The following NXPH1 variants were observed in gnomAD, a reference collection of about 807,000 sequenced individuals.
NXPH1 encodes the protein neurexophilin 1, also known as neurexophilin-1.
A neutral mutation model predicts 23.7 loss-of-function variants in NXPH1; 5 were observed. The ratio of observed to expected loss-of-function variants is 0.21; its 90% CI spans 0.11 to 0.44. NXPH1 has a LOEUF of 0.44. Ranked by LOEUF, NXPH1 falls within the 20% of genes least tolerant of loss-of-function variation. The pLI is 0.99. For missense variants in NXPH1, 324 were observed against 321.6 expected (o/e 1.01, Z -0.06); for synonymous variants, 144 against 122.2 (o/e 1.18, Z -1.18).
intron 2 of NXPH1, among the ~76,000 whole-genome samples, chr7:8,583,572 AG>A (rs1255576555): frequency 6.6e-6 from 1 of 152,164 alleles, no homozygotes; most frequent in Non-Finnish European, 1.5e-5. Flanking sequence ...ACTGAGTTGC[AG>A]GGGGTTTAAG....
chr7:8,434,402 G>A lies in NXPH1; in HGVS notation c.-464G>A. The A allele has an allele frequency of 6.5e-6, 1 of 153,750 alleles. No homozygotes were observed. Among genetic ancestry groups the A allele is most frequent in the Non-Finnish European group, 1.5e-5 (1 of 68,858 alleles). 9.5% of individuals were successfully genotyped at this position (153,750 alleles called of 1,614,324 possible). A position where few individuals can be genotyped will look rare whatever the true frequency, so the allele number is the denominator to read the frequency against. ...TGGCAGTCCCAGTCCGTCCGGTGCA[G>A]CAGCCCGGCGCATTCCCCTCTCTCC... On this transcript the variant is annotated 5_prime_UTR_variant, in exon 1 of 3. Coordinates refer to ENST00000405863, the MANE Select transcript of NXPH1 (RefSeq NM_152745.3). This position sits in a 1 kb window ranked among gnomAD's most constrained non-coding sequence, Gnocchi z 7.6.
intron 2 of NXPH1, among the ~76,000 whole-genome samples, chr7:8,523,756 C>G (rs1817814838): frequency 6.6e-6 from 1 of 152,182 alleles, no homozygotes. Context: ...ACCTAAATTT[C>G]TCTTTCTGGA....
At chr7:8,676,166 C>G in intron 2 of NXPH1, among the ~76,000 whole-genome samples, 1 of 152,162 alleles carries the variant, frequency 6.6e-6, no homozygotes, top group East Asian at 1.9e-4. Context: ...GCCTTGAAAA[C>G]AAGTATTATA....
chr7:8,555,240 C>T (rs1022183110), intron 2 of NXPH1, among the ~76,000 whole-genome samples: 1 of 151,688 alleles, frequency 6.6e-6, no homozygotes, highest in Non-Finnish European at 1.5e-5. Context: ...TTCTGCTCAG[C>T]ACTCCATTGG....
intron 2 of NXPH1, among the ~76,000 whole-genome samples, chr7:8,464,992 G>A (rs578066759): frequency 6.6e-6 from 1 of 152,060 alleles, no homozygotes; most frequent in Non-Finnish European, 1.5e-5. Flanking sequence ...AACAAATCTG[G>A]CAGCCTAAAA....
intron 2 of NXPH1, among the ~76,000 whole-genome samples, chr7:8,685,432 G>T (rs192182542): frequency 1.5e-5 from 2 of 135,848 alleles, no homozygotes; most frequent in Non-Finnish European, 3.2e-5. Flanking sequence ...CAAATAACTG[G>T]ATCTCATTTT....
intron 2 of NXPH1, among the ~76,000 whole-genome samples, chr7:8,633,285 G>A (rs959001869): frequency 1.2e-4 from 19 of 152,128 alleles, no homozygotes; most frequent in Admixed American, 7.9e-4. Context: ...ACAAAAAGCC[G>A]GATGTGGTGG....
At chr7:8,609,940 G>C (rs982559777) in intron 2 of NXPH1, among the ~76,000 whole-genome samples, 1 of 152,150 alleles carries the variant, frequency 6.6e-6, no homozygotes, top group Admixed American at 6.6e-5. Flanking sequence ...CCTTGGCGAA[G>C]AAGGTATTGC....
At chr7:8,508,789 T>C (rs1817569137) in intron 2 of NXPH1, among the ~76,000 whole-genome samples, 1 of 152,104 alleles carries the variant, frequency 6.6e-6, no homozygotes, top group Admixed American at 6.6e-5. Flanking sequence ...CACAGTGATC[T>C]GAAGTCTTTT....
intron 2 of NXPH1, among the ~76,000 whole-genome samples, chr7:8,550,489 G>A (rs867518071): frequency 6.6e-6 from 1 of 151,344 alleles, no homozygotes; most frequent in African/African-American, 2.4e-5. Context: ...AAGACACATG[G>A]GCAATCCTAT....
chr7:8,638,916 C>CT (rs921886063), intron 2 of NXPH1, among the ~76,000 whole-genome samples: 1 of 151,850 alleles, frequency 6.6e-6, no homozygotes, highest in Non-Finnish European at 1.5e-5. Flanking sequence ...TTCACTTACT[C>CT]TTTGACTATT....
Position 8,517,598 on chromosome 7 carries a change from A to C in NXPH1, c.54+81831A>C, listed in dbSNP as rs559895791. ...GAAGCAGACAGATACACAAGGACTG[A>C]AGGGATATTTCTCTTTAAAGAGAAC... On this transcript the variant is annotated intron_variant, in intron 2 of 2. Transcript: ENST00000405863. 2.0e-5 allele frequency among the ~76,000 whole-genome samples: 3 copies of C among 152,242 alleles called. No individual in the cohort carries two copies. The South Asian group carries it at 6.2e-4, about 32-fold the overall frequency.
chr7:8,501,437 A>T (rs1817432861), intron 2 of NXPH1, among the ~76,000 whole-genome samples: 1 of 152,048 alleles, frequency 6.6e-6, no homozygotes, highest in Non-Finnish European at 1.5e-5. Context: ...AAAAATGTGG[A>T]TTCCTGGGTC....
At chr7:8,546,093 T>C (rs1584224123) in intron 2 of NXPH1, among the ~76,000 whole-genome samples, 2 of 151,590 alleles carry the variant, frequency 1.3e-5, no homozygotes, top group South Asian at 4.1e-4. Context: ...TCTTAGTGTG[T>C]AAAGCTGAAA....
intron 2 of NXPH1, among the ~76,000 whole-genome samples, chr7:8,533,223 C>A (rs949251803): frequency 1.3e-5 from 2 of 152,102 alleles, no homozygotes; most frequent in Non-Finnish European, 2.9e-5. Flanking sequence ...AGCTATAGAT[C>A]ACCTATCTTT....
At chr7:8,581,512 C>T (rs115860503) in intron 2 of NXPH1, among the ~76,000 whole-genome samples, 56 of 152,256 alleles carry the variant, frequency 3.7e-4, no homozygotes, top group African/African-American at 1.2e-3. Context: ...TGTCATGGAA[C>T]AGCAAGGGGA....
chr7:8,738,889 C>G (rs1270586622), intron 2 of NXPH1, among the ~76,000 whole-genome samples: 1 of 152,106 alleles, frequency 6.6e-6, no homozygotes, highest in Admixed American at 6.5e-5. Flanking sequence ...GGGCTTCACC[C>G]AATCCGAACT....
intron 2 of NXPH1, among the ~76,000 whole-genome samples, chr7:8,639,829 A>G (rs1163351518): frequency 6.6e-6 from 1 of 152,178 alleles, no homozygotes; most frequent in East Asian, 1.9e-4. Context: ...TGCCCCGGCC[A>G]TGTAAGAAGT....
chr7:8,535,357 T>G (rs1160993926), intron 2 of NXPH1, among the ~76,000 whole-genome samples: 1 of 152,120 alleles, frequency 6.6e-6, no homozygotes, highest in Non-Finnish European at 1.5e-5. Flanking sequence ...TGAAAAGATT[T>G]GTTAAAAGAA....
Sources: gnomAD v4.1 joint callset for allele counts (sites outside exome capture counted in the v4.1 genomes callset) on GRCh38, gnomAD v4.1.1 for gene constraint, Gnocchi (gnomAD v3.1) non-coding constraint, MANE v1.5 for transcripts, NCBI Gene and HGNC (gene_info 2026-07-23, HGNC 2026-07-21) for gene names.